Variants in SIMC1 observed in about 807,000 individuals in gnomAD.
SIMC1 encodes SUMO-interacting motif-containing protein 1.
SIMC1 carries 55 observed loss-of-function variants against 82.3 expected under a neutral mutation model. That is an observed-to-expected ratio of 0.67 (90% confidence interval 0.54 to 0.84). The LOEUF is 0.84. SIMC1 is among the 40% of genes least tolerant of loss of function. SIMC1 has a pLI of 0.00. For synonymous variants in SIMC1, 353 were observed against 426.3 expected (o/e 0.83, Z 2.12); for missense variants, 915 against 1,107.2 (o/e 0.83, Z 2.46).
chr5:176,297,406 G>A (rs914719300), intron 4 of SIMC1, among the ~76,000 whole-genome samples: 1 of 150,398 alleles, frequency 6.6e-6, no homozygotes, highest in Non-Finnish European at 1.5e-5. Context: ...GAAGGCTGAG[G>A]TAGGAGAATT....
chr5:176,317,626 A>C (rs1362073662), intron 5 of SIMC1, among the ~76,000 whole-genome samples: 1 of 152,172 alleles, frequency 6.6e-6, no homozygotes, highest in Non-Finnish European at 1.5e-5. Context: ...TATAATTTTT[A>C]TATCAGTGTT....
intron 9 of SIMC1, among the ~76,000 whole-genome samples, chr5:176,340,298 G>A (rs1157578500): frequency 6.6e-6 from 1 of 152,250 alleles, no homozygotes; most frequent in South Asian, 2.1e-4. Flanking sequence ...TTCTTTGGCC[G>A]AGAGAATCAA....
At chr5:176,269,001 CAT>C (rs895999047) in intron 1 of SIMC1, among the ~76,000 whole-genome samples, 3 of 152,204 alleles carry the variant, frequency 2.0e-5, no homozygotes, top group African/African-American at 7.2e-5. Flanking sequence ...ATTTGAACCA[CAT>C]GATAATAAAA....
intron 7 of SIMC1, 48 bp from the exon 8 acceptor site, chr5:176,336,672 T>G: frequency 6.3e-7 from 1 of 1,596,704 alleles, no homozygotes; most frequent in Non-Finnish European, 8.6e-7. Context: ...TCATGTTCTT[T>G]GAAGCATAGT....
At chr5:176,313,457 TAA>T in intron 4 of SIMC1, 1 of 1,549,528 alleles carries the variant, frequency 6.5e-7, no homozygotes, top group Non-Finnish European at 8.7e-7. Flanking sequence ...TAATAATACT[TAA>T]AAAATGGTTT....
chr5:176,305,916 C>G (rs1238344382), intron 4 of SIMC1, among the ~76,000 whole-genome samples: 1 of 88,262 alleles, frequency 1.1e-5, no homozygotes, highest in Non-Finnish European at 2.4e-5. Context: ...GCGCTTCTGC[C>G]CGGCCGCCCC....
chr5:176,345,676 T>G lies in SIMC1; in HGVS notation c.*231T>G, dbSNP rs1766436853. The G allele has an allele frequency of 1.6e-5, 4 of 255,570 alleles. No homozygotes were observed. The highest frequency in any genetic ancestry group is 2.9e-5 in the Non-Finnish European group (4 of 139,560). The allele number at this position is 255,570 out of a possible 1,614,324, so 15.8% of individuals were successfully genotyped here. ...AAGGTATATATATTTTTTAATAAAT[T>G]ATTTATCTATACTTTTTTGAAACAG... On this transcript the variant is annotated 3_prime_UTR_variant, in exon 10 of 10. Transcript: ENST00000429602.
At position 176,345,711 on chromosome 5, in the gene SIMC1, CTG is replaced by C. The variant is rs1306137086; in HGVS notation, c.*269_*270del. Reference sequence around the variant, plus strand: ...TACTTTTTTGAAACAGGTTAATACTCTGTGCATCACATGTTTAACATTTTCAT... The same window carrying C: ...TACTTTTTTGAAACAGGTTAATACTCTGCATCACATGTTTAACATTTTCAT... On this transcript the variant is annotated 3_prime_UTR_variant, in exon 10 of 10. Transcript: ENST00000429602. 1.1e-4 allele frequency: 21 copies of C among 190,652 alleles called. No individual in the cohort carries two copies. The highest frequency in any genetic ancestry group is 7.2e-4 in the Admixed American group (12 of 16,654). 11.8% of individuals were successfully genotyped at this position (190,652 alleles called of 1,614,324 possible). A position where few individuals can be genotyped will look rare whatever the true frequency, so the allele number is the denominator to read the frequency against.
At chr5:176,341,018 G>T (rs1325568709) in intron 9 of SIMC1, among the ~76,000 whole-genome samples, 9 of 152,116 alleles carry the variant, frequency 5.9e-5, no homozygotes, top group Non-Finnish European at 1.2e-4. Context: ...GTGGTGGTGG[G>T]TGCCTGTAAT....
chr5:176,303,654 T>A (rs1427489458), intron 4 of SIMC1, among the ~76,000 whole-genome samples: 1 of 152,148 alleles, frequency 6.6e-6, no homozygotes, highest in Non-Finnish European at 1.5e-5. Context: ...AGAACAAAGT[T>A]GGAGTTCTCA....
intron 4 of SIMC1, among the ~76,000 whole-genome samples, chr5:176,297,392 C>G (rs1481582540): frequency 6.6e-6 from 1 of 151,086 alleles, no homozygotes. Context: ...ATCCCAGCTA[C>G]TCGGAAGGCT....
At position 176,313,846 on chromosome 5, in the gene SIMC1, G is replaced by C. The variant is rs779322331; in HGVS notation, c.1889+1G>C. 1 of 1,613,234 alleles carries C rather than the reference G, an allele frequency of 6.2e-7. No homozygotes were observed. Among genetic ancestry groups the C allele is most frequent in the Non-Finnish European group, 8.5e-7 (1 of 1,179,824 alleles). Reference sequence around the variant, plus strand: ...GTGACAAGCAGCCCCACAATGTCAGGTAAGCAGCCACCTGAGCCCTCGGAT... The same window carrying C: ...GTGACAAGCAGCCCCACAATGTCAGCTAAGCAGCCACCTGAGCCCTCGGAT... On this transcript the variant is annotated splice_donor_variant, in intron 5 of 9. Coordinates refer to ENST00000429602, the MANE Select transcript of SIMC1 (RefSeq NM_001308195.2). LOFTEE classifies it high-confidence loss of function.
intron 4 of SIMC1, chr5:176,313,145 CAACA>C: frequency 2.3e-6 from 1 of 426,870 alleles, no homozygotes; most frequent in Non-Finnish European, 3.5e-6. Context: ...TGAGCCAAGC[CAACA>C]GACTTGGCTC....
chr5:176,243,811 A>C (rs1263844735), intron 1 of SIMC1, among the ~76,000 whole-genome samples: 3 of 151,570 alleles, frequency 2.0e-5, no homozygotes, highest in Non-Finnish European at 4.4e-5. Context: ...GAGCCACTGC[A>C]CCTAGCCTTG....
At chr5:176,320,445 G>A (rs2113364542) in intron 5 of SIMC1, among the ~76,000 whole-genome samples, 1 of 152,110 alleles carries the variant, frequency 6.6e-6, no homozygotes, top group East Asian at 1.9e-4. Context: ...ACAGCTCACT[G>A]CAGCTTTGAC....
intron 9 of SIMC1, among the ~76,000 whole-genome samples, chr5:176,343,547 G>A (rs900114943): frequency 6.6e-6 from 1 of 152,066 alleles, no homozygotes; most frequent in Non-Finnish European, 1.5e-5. Context: ...ATAGTATAAC[G>A]AATGCCCATA....
intron 7 of SIMC1, among the ~76,000 whole-genome samples, chr5:176,335,478 T>A (rs1765852506): frequency 6.6e-6 from 1 of 151,520 alleles, no homozygotes; most frequent in South Asian, 2.1e-4. Context: ...GGTATCACCG[T>A]TTTTGCCCAG....
intron 4 of SIMC1, chr5:176,304,449 G>A (rs942607402): frequency 4.6e-5 from 8 of 173,674 alleles, no homozygotes; most frequent in South Asian, 4.1e-4. Flanking sequence ...TCGGCCTCCC[G>A]AGGTGCCGGG....
intron 1 of SIMC1, among the ~76,000 whole-genome samples, chr5:176,252,258 G>A (rs1319857084): frequency 2.0e-5 from 3 of 151,560 alleles, no homozygotes; most frequent in South Asian, 2.1e-4. Flanking sequence ...CTGGCTAGGC[G>A]GGGGCTGACC....
Sources: gnomAD v4.1 joint callset for allele counts (sites outside exome capture counted in the v4.1 genomes callset) on GRCh38, gnomAD v4.1.1 for gene constraint, MANE v1.5 for transcripts, NCBI Gene and HGNC (gene_info 2026-07-23, HGNC 2026-07-21) for gene names.